Variants in SLC35F4 observed in about 807,000 individuals in gnomAD.
The protein encoded by SLC35F4 is solute carrier family 35 member F4.
Under a neutral mutation model 44.2 loss-of-function variants are expected in SLC35F4, and 24 were observed. That is an observed-to-expected ratio of 0.54 (90% CI 0.39 to 0.76). The LOEUF (loss-of-function observed/expected upper bound fraction) is 0.76, where lower values mean the gene tolerates loss of function less well. SLC35F4 is among the 30% of genes least tolerant of loss of function. SLC35F4 has a pLI of 0.00. For synonymous variants in SLC35F4, 238 were observed against 223.6 expected (o/e 1.06, Z -0.57); for missense variants, 562 against 586.1 (o/e 0.96, Z 0.42).
chr14:57,954,814 C>T (rs1241124127), intron 1 of SLC35F4, among the ~76,000 whole-genome samples: 1 of 151,822 alleles, frequency 6.6e-6, no homozygotes, highest in Non-Finnish European at 1.5e-5. Context: ...AAGCCCAGGA[C>T]CAGACAGATT....
chr14:57,972,614 T>C (rs1242856904), downstream of SLC35F4, among the ~76,000 whole-genome samples: 1 of 152,116 alleles, frequency 6.6e-6, no homozygotes, highest in Non-Finnish European at 1.5e-5. Context: ...GAGTTATTGA[T>C]TGGCTCTGAG....
chr14:57,696,202 C>T (rs1290345842), intron 1 of SLC35F4, among the ~76,000 whole-genome samples: 3 of 152,012 alleles, frequency 2.0e-5, no homozygotes, highest in African/African-American at 7.2e-5. Context: ...GGCTAGTATC[C>T]AGAATTTACA....
chr14:57,756,029 C>CA (rs1169664450), intron 1 of SLC35F4, among the ~76,000 whole-genome samples: 1 of 152,240 alleles, frequency 6.6e-6, no homozygotes, highest in Non-Finnish European at 1.5e-5. Context: ...CACTTCCCTT[C>CA]ATGGTCAGGG....
In SLC35F4 at chr14:57,945,439, A is replaced by ATGTGTGTGTG. The variant is rs58976756; in HGVS notation, n.282+36464_282+36473dup. Among the ~76,000 whole-genome samples, 462 of 104,740 alleles carry ATGTGTGTGTG rather than the reference A, an allele frequency of 4.4e-3. 13 individuals are homozygous for ATGTGTGTGTG. Among genetic ancestry groups the ATGTGTGTGTG allele is most frequent in the Middle Eastern group, 0.013 (3 of 238 alleles). 68.7% of individuals were successfully genotyped at this position (104,740 alleles called of 152,430 possible). ...TCTTTACCAGGTAAGAGCAATGATA[A>ATGTGTGTGTG]TGTGTGTGTGTGTGTGTGTGTGTGT... On this transcript the variant is annotated intron_variant and non_coding_transcript_variant, in intron 1 of 1. Coordinates refer to the SLC35F4 transcript ENST00000556568.
At chr14:57,800,663 A>G (rs2078170089) in intron 1 of SLC35F4, among the ~76,000 whole-genome samples, 1 of 152,210 alleles carries the variant, frequency 6.6e-6, no homozygotes, top group Admixed American at 6.5e-5. Context: ...CAGTTTAGAG[A>G]GCAACATAAC....
Position 57,571,978 on chromosome 14 carries a change from C to T in SLC35F4, c.849G>A (p.Met283Ile), listed in dbSNP as rs371391342. Residue 283 changes from methionine (M) to isoleucine (I), a missense_variant, in exon 5 of 8, where the codon ATG becomes ATA. By Grantham distance (10) the Met-to-Ile change is conservative (BLOSUM62 1). Transcript: ENST00000556826. ...CAGCGTGGAAATTATCTGCATATGC[C>T]ATCATGACAATGCCGGTAATTGCCA... is the stretch of plus-strand genomic sequence containing the variant. ...AIMAITGIVM[M>I]AYADNFHADS... The T allele has an allele frequency of 1.2e-6, 2 of 1,611,810 alleles. No homozygotes were observed. The highest frequency in any genetic ancestry group is 2.7e-5 in the African/African-American group (2 of 74,870).
chr14:57,755,058 T>A (rs2076965649), intron 1 of SLC35F4, among the ~76,000 whole-genome samples: 1 of 152,178 alleles, frequency 6.6e-6, no homozygotes, highest in East Asian at 1.9e-4. Flanking sequence ...AGGGGAGACG[T>A]GAAAGCTCTC....
At chr14:57,853,693 C>A (rs551549033) in intron 1 of SLC35F4, among the ~76,000 whole-genome samples, 2 of 152,266 alleles carry the variant, frequency 1.3e-5, no homozygotes, top group South Asian at 4.2e-4. Flanking sequence ...CTATTTTCGA[C>A]CATTTGGACA....
intron 1 of SLC35F4, among the ~76,000 whole-genome samples, chr14:57,610,272 A>T (rs1467030916): frequency 6.6e-6 from 1 of 152,206 alleles, no homozygotes; most frequent in Non-Finnish European, 1.5e-5. Flanking sequence ...ATATAATGAC[A>T]AATCCTGGGA....
At chr14:57,649,496 T>C (rs1369439656) in intron 1 of SLC35F4, among the ~76,000 whole-genome samples, 1 of 152,162 alleles carries the variant, frequency 6.6e-6, no homozygotes, top group Non-Finnish European at 1.5e-5. Flanking sequence ...GTGATTACCT[T>C]GGGCACATGC....
intron 1 of SLC35F4, among the ~76,000 whole-genome samples, chr14:57,814,308 T>G (rs1234571223): frequency 6.6e-6 from 1 of 152,204 alleles, no homozygotes; most frequent in Non-Finnish European, 1.5e-5. Context: ...AACTTCAGAA[T>G]TTTCTTTTGC....
rs187750987 is a variant in SLC35F4 at position 57,862,967 on chromosome 14, T to G, written c.103+2756A>C. ...ATAGGAGGTGCTCAATTAACACTTG[T>G]TGAATGAATGAATCTATTCCCTACC... is the stretch of plus-strand genomic sequence containing the variant. On this transcript the variant is annotated intron_variant, in intron 1 of 7. Coordinates refer to ENST00000556826, the MANE Select transcript of SLC35F4 (RefSeq NM_001306087.2). Among the ~76,000 whole-genome samples, 455 of 152,378 alleles carry G rather than the reference T, an allele frequency of 3.0e-3. 6 individuals carry two copies. Among genetic ancestry groups the G allele is most frequent in the African/African-American group, 8.7e-3 (363 of 41,588 alleles).
intron 1 of SLC35F4, among the ~76,000 whole-genome samples, chr14:57,651,482 G>A (rs1487826438): frequency 1.3e-5 from 2 of 152,078 alleles, no homozygotes; most frequent in African/African-American, 4.8e-5. Context: ...GCAGTGCTGG[G>A]GACAGGTGAG....
chr14:57,668,808 T>C (rs1171789949), intron 1 of SLC35F4, among the ~76,000 whole-genome samples: 1 of 152,130 alleles, frequency 6.6e-6, no homozygotes, highest in Non-Finnish European at 1.5e-5. Flanking sequence ...GACTTGGCGA[T>C]GCGGGCTCTT....
chr14:57,940,119 G>A (rs1889889156), intron 1 of SLC35F4, among the ~76,000 whole-genome samples: 1 of 152,186 alleles, frequency 6.6e-6, no homozygotes, highest in Non-Finnish European at 1.5e-5. Context: ...CTCATTTTCT[G>A]TAGAGTTAGG....
chr14:57,728,441 C>CTTTTTTTTTTTTTTTTTTTTTTTTTTTTT (rs869064667), intron 1 of SLC35F4, among the ~76,000 whole-genome samples: 1 of 59,026 alleles, frequency 1.7e-5, no homozygotes, highest in African/African-American at 7.4e-5. Flanking sequence ...TTCTTTCTTT[C>CTTTTTTTTTTTTTTTTTTTTTTTTTTTTT]TTTTTTTTTT....
chr14:57,586,575 G>A (rs1290543720), intron 3 of SLC35F4, among the ~76,000 whole-genome samples: 27 of 151,266 alleles, frequency 1.8e-4, no homozygotes, highest in Admixed American at 1.1e-3. Flanking sequence ...AAAATTAGCC[G>A]GGCGTGGTGG....
At chr14:57,847,583 T>G (rs1266106494) in intron 1 of SLC35F4, among the ~76,000 whole-genome samples, 1 of 152,120 alleles carries the variant, frequency 6.6e-6, no homozygotes, top group Non-Finnish European at 1.5e-5. Context: ...TAATACAAGG[T>G]CATGTGAGGT....
chr14:57,953,780 G>A (rs553279578), intron 1 of SLC35F4, among the ~76,000 whole-genome samples: 70 of 152,284 alleles, frequency 4.6e-4, no homozygotes, highest in Non-Finnish European at 9.0e-4. Context: ...CATAAAGCAA[G>A]TTCTTAGAGA....
Sources: gnomAD v4.1 joint callset for allele counts (sites outside exome capture counted in the v4.1 genomes callset) on GRCh38, gnomAD v4.1.1 for gene constraint, MANE v1.5 for transcripts, NCBI Gene and HGNC (gene_info 2026-07-23, HGNC 2026-07-21) for gene names.